Variants in ALDH3B1 observed in about 807,000 individuals in gnomAD.
The protein encoded by ALDH3B1 is aldehyde dehydrogenase 3 family member B1.
Under a neutral mutation model 46.2 loss-of-function variants are expected in ALDH3B1, and 37 were observed. The ratio of observed to expected loss-of-function variants is 0.80; its 90% CI spans 0.62 to 1.05. The LOEUF is 1.05. ALDH3B1 is among the 50% of genes least tolerant of loss of function. The pLI, the probability that ALDH3B1 is intolerant of heterozygous loss-of-function variation, is 0.00. For synonymous variants in ALDH3B1, 283 were observed against 281.0 expected (o/e 1.01, Z -0.07); for missense variants, 603 against 665.5 (o/e 0.91, Z 1.03).
At chr11:68,016,150 A>G in intron 2 of ALDH3B1, 1 of 153,472 alleles carries the variant, frequency 6.5e-6, no homozygotes, top group Non-Finnish European at 1.4e-5. Context: ...AAGGGGAGAG[A>G]GGGGGCCAGG....
At chr11:68,018,472 C>T in intron 2 of ALDH3B1, 55 bp from the exon 3 acceptor site, 1 of 1,394,642 alleles carries the variant, frequency 7.2e-7, no homozygotes, top group Non-Finnish European at 9.9e-7. Flanking sequence ...GAGGCTGTGC[C>T]CTCCTGCCAA....
At chr11:68,015,886 C>T (rs921519381) in intron 2 of ALDH3B1, 17 of 328,068 alleles carry the variant, frequency 5.2e-5, no homozygotes, top group Non-Finnish European at 7.8e-5. Context: ...GCCAACATGG[C>T]GAAACCCCGT....
At chr11:68,020,251 CAG>C (rs1857458561) in intron 6 of ALDH3B1, among the ~76,000 whole-genome samples, 2 of 151,668 alleles carry the variant, frequency 1.3e-5, no homozygotes, top group Admixed American at 1.3e-4. Flanking sequence ...TTTTTTGAGA[CAG>C]AGTCTTGCTC....
chr11:68,015,788 G>A (rs549721607), intron 2 of ALDH3B1: 32 of 429,824 alleles, frequency 7.4e-5, no homozygotes, highest in African/African-American at 5.2e-4. Flanking sequence ...CAGCAAGGCC[G>A]GGCATGGTGG....
In ALDH3B1 at chr11:68,021,486, G is replaced by T; in HGVS notation, c.564G>T (p.Gly188=). 6.2e-7 allele frequency: 1 copy of T among 1,608,226 alleles called. No homozygotes were observed. Among genetic ancestry groups the T allele is most frequent in the Non-Finnish European group, 8.5e-7 (1 of 1,176,246 alleles). Reference sequence around the variant, plus strand: ...ACTCTGGTTTCCTTCCATGCCCAGGGAGCCCTCGTGTGGGCAAGATTGTTA... The same window carrying T: ...ACTCTGGTTTCCTTCCATGCCCAGGTAGCCCTCGTGTGGGCAAGATTGTTA... The part of the protein sequence containing the change: ...EHRFDYIFFT[G]SPRVGKIVMT... Residue 188 remains glycine (G), a splice_region_variant and synonymous_variant, in exon 7 of 10, where the codon GGG becomes GGT. Transcript: ENST00000342456.
Position 68,018,616 on chromosome 11 carries a change from C to T in ALDH3B1, c.252C>T (p.Asp84=), listed in dbSNP as rs753181418. 78 of 1,578,394 alleles carry T rather than the reference C, an allele frequency of 4.9e-5. No individual in the cohort carries two copies. Among genetic ancestry groups the T allele is most frequent in the Admixed American group, 9.2e-5 (5 of 54,602 alleles). The change falls in exon 3 of 10, where the codon GAC becomes GAT. Residue 84 remains aspartate, a synonymous_variant. Transcript: ENST00000342456. The stretch of plus-strand genomic sequence containing the variant: ...GGAACCTCCGGGCCTGGATGAAGGA[C>T]GAGCGTGTGCCCAAGAACCTGGTGA... ...ALRNLRAWMK[D]ERVPKNLATQ...
At chr11:68,023,282 C>G (rs565229290) in intron 8 of ALDH3B1, among the ~76,000 whole-genome samples, 82 of 140,970 alleles carry the variant, frequency 5.8e-4, no homozygotes, top group African/African-American at 2.0e-3. Flanking sequence ...TCAGCCAGTT[C>G]CTCGATTCCC....
chr11:68,014,464 C>G (rs974103843), intron 1 of ALDH3B1, among the ~76,000 whole-genome samples: 1 of 152,196 alleles, frequency 6.6e-6, no homozygotes, highest in Non-Finnish European at 1.5e-5. Context: ...AGTGCTCCTC[C>G]GATGAACTTC....
intron 9 of ALDH3B1, among the ~76,000 whole-genome samples, chr11:68,027,535 C>T (rs308342): frequency 0.5 from 76,165 of 152,074 alleles, 20,138 homozygotes; most frequent in African/African-American, 0.69. Context: ...GACCACCACC[C>T]GCCTATCTTG....
Position 68,028,613 on chromosome 11 carries a change from G to A in ALDH3B1, c.*674G>A, listed in dbSNP as rs1307816749. 6.5e-6 allele frequency: 1 copy of A among 153,352 alleles called. No homozygotes were observed. The highest frequency in any genetic ancestry group is 1.4e-5 in the Non-Finnish European group (1 of 69,036). The allele number at this position is 153,352 out of a possible 1,614,324, so 9.5% of individuals were successfully genotyped here. Reference sequence around the variant, plus strand: ...AATCGCTTGAACCCGGGAGGTGGAGGTTGCCGTGAGCTGAGATTGCGTCAC... The same window carrying A: ...AATCGCTTGAACCCGGGAGGTGGAGATTGCCGTGAGCTGAGATTGCGTCAC... On this transcript the variant is annotated 3_prime_UTR_variant, in exon 10 of 10. Transcript: ENST00000342456.
chr11:68,023,927 G>A (rs1857563972), intron 8 of ALDH3B1, among the ~76,000 whole-genome samples: 1 of 151,142 alleles, frequency 6.6e-6, no homozygotes, highest in Non-Finnish European at 1.5e-5. Context: ...CACCTGTAAT[G>A]CCAGCTGCTC....
In ALDH3B1 at chr11:68,028,947, C is replaced by T. The variant is rs4646815; in HGVS notation, c.*1008C>T. The stretch of plus-strand genomic sequence containing the variant: ...TCATACTCTTCCCCATGCTGCTCAT[C>T]CTCCTGGGCCCCATCCACTCAGCCA... On this transcript the variant is annotated 3_prime_UTR_variant, in exon 10 of 10. Coordinates refer to ENST00000342456, the MANE Select transcript of ALDH3B1 (RefSeq NM_000694.4). 23,975 of 152,250 alleles carry T rather than the reference C, an allele frequency of 0.16. 2,255 individuals carry two copies. Among genetic ancestry groups the T allele is most frequent in the Non-Finnish European group, 0.19 (13,035 of 68,030 alleles). 9.4% of individuals were successfully genotyped at this position (152,250 alleles called of 1,614,324 possible).
At position 68,019,735 on chromosome 11, in the gene ALDH3B1, G is replaced by C; in HGVS notation, c.501G>C (p.Leu167=). Residue 167 remains leucine (L), a synonymous_variant, in exon 6 of 10, where the codon CTG becomes CTC. Coordinates refer to ENST00000342456, the MANE Select transcript of ALDH3B1 (RefSeq NM_000694.4). ...YVDQSCFAVV[L]GGPQETGQLL... is the part of the protein sequence containing the mutation. ...TGCAGAGCTGCTTTGCTGTGGTGCT[G>C]GGCGGGCCCCAGGAGACGGGGCAGC... The C allele has an allele frequency of 6.2e-7, 1 of 1,614,144 alleles. No homozygotes were observed.
At chr11:68,018,734 G>C in intron 3 of ALDH3B1, 39 bp from the exon 4 acceptor site, 2 of 1,550,058 alleles carry the variant, frequency 1.3e-6, no homozygotes, top group South Asian at 1.2e-5. Context: ...AGGGGCCGGG[G>C]TGCTGAGCAC....
At chr11:68,009,964 A>G (rs1857196144), upstream of ALDH3B1, among the ~76,000 whole-genome samples, 1 of 152,166 alleles carries the variant, frequency 6.6e-6, no homozygotes, top group Non-Finnish European at 1.5e-5. Context: ...ATATTATAAT[A>G]GAATATAATT....
In ALDH3B1 at chr11:68,027,997, G is replaced by C. The variant is rs1854622611; in HGVS notation, c.*58G>C. Reference sequence around the variant, plus strand: ...TGACAGCTGTCGCCTGCGGCTGGTGGAGACGGGGCCTGGGCTCCCGGGCCC... The same window carrying C: ...TGACAGCTGTCGCCTGCGGCTGGTGCAGACGGGGCCTGGGCTCCCGGGCCC... On this transcript the variant is annotated 3_prime_UTR_variant, in exon 10 of 10. Coordinates refer to ENST00000342456, the MANE Select transcript of ALDH3B1 (RefSeq NM_000694.4). The C allele has an allele frequency of 1.3e-6, 2 of 1,563,542 alleles. No homozygotes were observed. Among genetic ancestry groups the C allele is most frequent in the Non-Finnish European group, 1.7e-6 (2 of 1,161,934 alleles).
At chr11:68,019,021 C>G in intron 4 of ALDH3B1, 128 bp downstream of exon 4, 2 of 1,461,016 alleles carry the variant, frequency 1.4e-6, no homozygotes, top group Admixed American at 2.1e-5. Context: ...CCACCGTCCC[C>G]GGGCTGTGTG....
chr11:68,015,497 G>A, intron 2 of ALDH3B1, 38 bp downstream of exon 2: 1 of 1,560,220 alleles, frequency 6.4e-7, no homozygotes, highest in Non-Finnish European at 8.7e-7. Flanking sequence ...GTGCACTGGG[G>A]CAGGGGGGCA....
At chr11:68,027,074 C>T (rs1857642931) in intron 9 of ALDH3B1, among the ~76,000 whole-genome samples, 1 of 152,126 alleles carries the variant, frequency 6.6e-6, no homozygotes, top group Admixed American at 6.5e-5. Context: ...GGCCGTGGCC[C>T]CACCCCGGCT....
Sources: gnomAD v4.1 joint callset for allele counts (sites outside exome capture counted in the v4.1 genomes callset) on GRCh38, gnomAD v4.1.1 for gene constraint, MANE v1.5 for transcripts, NCBI Gene and HGNC (gene_info 2026-07-23, HGNC 2026-07-21) for gene names.